The following FAM135B variants were observed in gnomAD, a reference collection of about 807,000 sequenced individuals.
FAM135B encodes the protein family with sequence similarity 135 member B, also known as protein FAM135B.
FAM135B carries 43 observed loss-of-function variants against 127.7 expected under a neutral mutation model. The ratio of observed to expected loss-of-function variants is 0.34; its 90% CI spans 0.26 to 0.43. The LOEUF is 0.43. FAM135B is among the 20% of genes least tolerant of loss of function. The pLI is 1.00. For synonymous variants in FAM135B, 670 were observed against 665.1 expected (o/e 1.01, Z -0.11); for missense variants, 1,558 against 1,725.6 (o/e 0.90, Z 1.72).
chr8:138,265,842 T>C lies in FAM135B; in HGVS notation c.158A>G (p.Glu53Gly). 1 of 1,612,854 alleles carries C rather than the reference T, an allele frequency of 6.2e-7. No homozygotes were observed. The highest frequency in any genetic ancestry group is 8.5e-7 in the Non-Finnish European group (1 of 1,179,644). ...RLSASIAGQT[E>G]SSSLHSACVH... Reference sequence around the variant, plus strand: ...ACAGGCTGAATGCAGGCTGCTGCTCTCTGCAAAACAAGAATCAGTAGGAAC... The same window carrying C: ...ACAGGCTGAATGCAGGCTGCTGCTCCCTGCAAAACAAGAATCAGTAGGAAC... The change falls in exon 4 of 20, where the codon GAG becomes GGG. Residue 53 changes from glutamate (E) to glycine (G), a missense_variant and splice_region_variant. By Grantham distance (98) the Glu-to-Gly change is moderately conservative. Transcript: ENST00000395297.
At chr8:138,167,783 A>G in intron 12 of FAM135B, 112 bp downstream of exon 12, 4 of 1,260,340 alleles carry the variant, frequency 3.2e-6, no homozygotes, top group Non-Finnish European at 2.2e-6. Context: ...AACTGACATA[A>G]TCCTTCATTA....
chr8:138,403,751 C>A (rs1176982477), intron 1 of FAM135B, among the ~76,000 whole-genome samples: 2 of 152,032 alleles, frequency 1.3e-5, no homozygotes, highest in African/African-American at 4.8e-5. Flanking sequence ...TCCCCTCCCC[C>A]AAAGACCTAC....
chr8:138,308,716 G>A (rs1407320424), intron 3 of FAM135B, among the ~76,000 whole-genome samples: 1 of 151,868 alleles, frequency 6.6e-6, no homozygotes, highest in Non-Finnish European at 1.5e-5. Context: ...GCCAACCACT[G>A]AGCATCCTGC....
At chr8:138,313,703 G>A (rs1826865704) in intron 2 of FAM135B, among the ~76,000 whole-genome samples, 1 of 24,188 alleles carries the variant, frequency 4.1e-5, no homozygotes, top group African/African-American at 1.0e-4. Flanking sequence ...AAACACTTTT[G>A]TGCTATGAAA....
chr8:138,406,474 A>C (rs9693805), intron 1 of FAM135B, among the ~76,000 whole-genome samples: 57,176 of 147,088 alleles, frequency 0.39, 11,572 homozygotes, highest in African/African-American at 0.51. Flanking sequence ...AATTTTAGAC[A>C]AATATCCTTG....
At chr8:138,298,003 C>G (rs1825600930) in intron 3 of FAM135B, among the ~76,000 whole-genome samples, 2 of 152,196 alleles carry the variant, frequency 1.3e-5, no homozygotes, top group Non-Finnish European at 2.9e-5. Flanking sequence ...GCTGGACCAT[C>G]TGGACTTGAA....
intron 2 of FAM135B, among the ~76,000 whole-genome samples, chr8:138,318,447 T>A (rs946785012): frequency 2.0e-5 from 3 of 152,212 alleles, no homozygotes; most frequent in African/African-American, 7.2e-5. Context: ...AGCATTTATG[T>A]GGCAGGACCT....
intron 2 of FAM135B, chr8:138,358,550 T>C (rs1200764919): frequency 6.6e-6 from 1 of 152,172 alleles, no homozygotes; most frequent in East Asian, 1.9e-4. Context: ...CTCATGGACA[T>C]TTAATAGATT....
chr8:138,169,424 T>C (rs1820231265), intron 11 of FAM135B, among the ~76,000 whole-genome samples: 1 of 151,928 alleles, frequency 6.6e-6, no homozygotes, highest in African/African-American at 2.4e-5. Context: ...GTTCTCTGAA[T>C]ATTTAACTCT....
intron 1 of FAM135B, among the ~76,000 whole-genome samples, chr8:138,490,889 T>A (rs1464707289): frequency 1.3e-5 from 2 of 152,104 alleles, no homozygotes; most frequent in African/African-American, 4.8e-5. Context: ...ATGCCTGTAA[T>A]CCCAGAAATT....
chr8:138,242,876 A>G lies in FAM135B; in HGVS notation c.669+66T>C. 1.9e-6 allele frequency: 3 copies of G among 1,539,352 alleles called. No individual in the cohort carries two copies. Among genetic ancestry groups the G allele is most frequent in the Non-Finnish European group, 2.6e-6 (3 of 1,144,636 alleles). ...GATGTTTCAAAGAAGCATGAATCTC[A>G]TAGAACATACACTCTGCAAAGTAAA... On this transcript the variant is annotated intron_variant, in intron 7 of 19. Coordinates refer to ENST00000395297, the MANE Select transcript of FAM135B (RefSeq NM_015912.4). This position sits in a 1 kb window ranked among gnomAD's most constrained non-coding sequence, Gnocchi z 9.6.
chr8:138,240,636 G>A (rs1462722124), intron 7 of FAM135B, among the ~76,000 whole-genome samples: 1 of 152,172 alleles, frequency 6.6e-6, no homozygotes, highest in Non-Finnish European at 1.5e-5. Flanking sequence ...TCTATTCCCA[G>A]CCACTCAGAG....
At chr8:138,351,020 T>A (rs965050990) in intron 2 of FAM135B, among the ~76,000 whole-genome samples, 15 of 152,160 alleles carry the variant, frequency 9.9e-5, no homozygotes, top group Admixed American at 9.2e-4. Flanking sequence ...GCCCTGAAAG[T>A]CTTACATTAT....
chr8:138,186,538 G>C (rs6984834), intron 9 of FAM135B, among the ~76,000 whole-genome samples: 1 of 152,064 alleles, frequency 6.6e-6, no homozygotes, highest in Admixed American at 6.6e-5. Flanking sequence ...TTTGGGAAGC[G>C]GGTGTTGTTT....
chr8:138,132,567 A>G lies in FAM135B; in HGVS notation c.*26T>C, dbSNP rs760247735. The G allele has an allele frequency of 6.3e-6, 10 of 1,593,426 alleles. No homozygotes were observed. In the East Asian group the frequency reaches 1.8e-4, roughly 28 times the overall value. ...AAGCTCTCCACCGATCGTAAGCATT[A>G]CCAAAGACCTGCTCCCTCAAAGCCA... On this transcript the variant is annotated 3_prime_UTR_variant, in exon 20 of 20. Coordinates refer to ENST00000395297, the MANE Select transcript of FAM135B (RefSeq NM_015912.4). This position sits in a 1 kb window ranked among gnomAD's most constrained non-coding sequence, Gnocchi z 4.5.
intron 2 of FAM135B, among the ~76,000 whole-genome samples, chr8:138,338,459 A>T (rs1828784479): frequency 6.6e-5 from 10 of 152,236 alleles, no homozygotes; most frequent in Admixed American, 6.5e-4. Flanking sequence ...GGATATAAAC[A>T]GACACTTCTC....
intron 2 of FAM135B, among the ~76,000 whole-genome samples, chr8:138,336,875 C>G (rs1030004847): frequency 1.3e-5 from 2 of 152,022 alleles, no homozygotes; most frequent in African/African-American, 4.8e-5. Flanking sequence ...ACTGGCAAAC[C>G]GAATCCAGCA....
chr8:138,438,296 G>C (rs1835571599), intron 1 of FAM135B: 1 of 152,126 alleles, frequency 6.6e-6, no homozygotes, highest in Non-Finnish European at 1.5e-5. Context: ...CTATTGAAGA[G>C]CCATGTCTCA....
intron 1 of FAM135B, among the ~76,000 whole-genome samples, chr8:138,387,051 T>G (rs190519133): frequency 7.4e-4 from 112 of 152,340 alleles, no homozygotes; most frequent in African/African-American, 2.5e-3. Flanking sequence ...CTATAAAAGC[T>G]GAGTATCTGT....
Sources: allele counts gnomAD v4.1 joint callset (sites outside exome capture counted in the v4.1 genomes callset), GRCh38; gene constraint gnomAD v4.1.1; non-coding constraint Gnocchi (gnomAD v3.1); transcripts MANE v1.5; gene names NCBI Gene and HGNC (gene_info 2026-07-23, HGNC 2026-07-21).